ENOX1: variants seen among roughly 807,000 people sequenced by gnomAD.
ENOX1 encodes ecto-NOX disulfide-thiol exchanger 1, also known as candidate growth-related and time keeping constitutive hydroquinone (NADH) oxidase.
Under a neutral mutation model 82.5 loss-of-function variants are expected in ENOX1, and 42 were observed. That is an observed-to-expected ratio of 0.51 (90% confidence interval 0.40 to 0.66). The LOEUF is 0.66. Among genes scored for constraint, ENOX1 ranks in the 30% least tolerant of loss-of-function variants. ENOX1 has a pLI of 0.00. For missense variants in ENOX1, 608 were observed against 811.6 expected (o/e 0.75, Z 3.05); for synonymous variants, 271 against 282.2 (o/e 0.96, Z 0.40).
Position 43,459,024 on chromosome 13 carries a change from C to A in ENOX1, c.-75+24985G>T, listed in dbSNP as rs1424831345. ...TTTCTCTGAGTTTCTACAACTTCAG[C>A]TAAATGTTTTAAGGAAGAAAAGAAC... On this transcript the variant is annotated intron_variant, in intron 3 of 16. Transcript: ENST00000690772. 2.0e-5 allele frequency: 3 copies of A among 152,136 alleles called. No individual in the cohort carries two copies. In the East Asian group the frequency reaches 5.8e-4, roughly 29 times the overall value. 9.4% of individuals were successfully genotyped at this position (152,136 alleles called of 1,614,324 possible). A position where few individuals can be genotyped will look rare whatever the true frequency, so the allele number is the denominator to read the frequency against.
intron 2 of ENOX1, among the ~76,000 whole-genome samples, chr13:43,616,200 ATATATTTT>A (rs1390904523): frequency 3.1e-4 from 6 of 19,054 alleles, no homozygotes; most frequent in Non-Finnish European, 6.8e-4. Context: ...ATATATATAT[ATATATTTT>A]TTTTTTTTTT....
chr13:43,232,437 CTTTTCTCA>C (rs1327248323), intron 15 of ENOX1, among the ~76,000 whole-genome samples: 1 of 152,190 alleles, frequency 6.6e-6, no homozygotes, highest in African/African-American at 2.4e-5. Flanking sequence ...CCCAAGATTA[CTTTTCTCA>C]GGTACAGCCT....
At chr13:43,399,796 A>C (rs1049470134) in intron 5 of ENOX1, among the ~76,000 whole-genome samples, 2 of 151,944 alleles carry the variant, frequency 1.3e-5, no homozygotes, top group African/African-American at 2.4e-5. Context: ...TGAAGGAAAA[A>C]TTTTTTCTCC....
At chr13:43,554,124 G>C (rs1318521816) in intron 2 of ENOX1, among the ~76,000 whole-genome samples, 1 of 152,152 alleles carries the variant, frequency 6.6e-6, no homozygotes, top group Non-Finnish European at 1.5e-5. Context: ...GTGGATCCTA[G>C]ATAAGGAGAC....
intron 16 of ENOX1, among the ~76,000 whole-genome samples, chr13:43,216,940 CT>C (rs2041519994): frequency 6.6e-6 from 1 of 152,182 alleles, no homozygotes; most frequent in Non-Finnish European, 1.5e-5. Context: ...GAAACTTTTC[CT>C]TGCCAAACTC....
chr13:43,704,900 C>G (rs2087153194), intron 1 of ENOX1, among the ~76,000 whole-genome samples: 1 of 152,140 alleles, frequency 6.6e-6, no homozygotes, highest in Admixed American at 6.5e-5. Flanking sequence ...AGTGACATCA[C>G]AGAAGGGCCA....
chr13:43,593,308 A>C (rs997957848), intron 2 of ENOX1, among the ~76,000 whole-genome samples: 32 of 152,262 alleles, frequency 2.1e-4, no homozygotes, highest in Admixed American at 1.4e-3. Flanking sequence ...ATGATCCCAT[A>C]GCCTACATCA....
At chr13:43,567,898 T>G (rs1281558856) in intron 2 of ENOX1, among the ~76,000 whole-genome samples, 2 of 152,212 alleles carry the variant, frequency 1.3e-5, no homozygotes, top group Non-Finnish European at 2.9e-5. Flanking sequence ...ACAATAAATT[T>G]TGTGGCAGGA....
chr13:43,778,799 C>T (rs892384014), intron 1 of ENOX1, among the ~76,000 whole-genome samples: 1 of 152,156 alleles, frequency 6.6e-6, no homozygotes, highest in Non-Finnish European at 1.5e-5. Context: ...ACAGAGGATT[C>T]CCAGCCCTTT....
intron 2 of ENOX1, among the ~76,000 whole-genome samples, chr13:43,590,168 T>A (rs1425089180): frequency 1.3e-5 from 2 of 151,844 alleles, no homozygotes; most frequent in African/African-American, 2.4e-5. Flanking sequence ...ACAAAACAGA[T>A]GATTTTATAA....
chr13:43,463,386 C>T (rs1010272323), intron 3 of ENOX1, among the ~76,000 whole-genome samples: 1 of 152,136 alleles, frequency 6.6e-6, no homozygotes, highest in African/African-American at 2.4e-5. Context: ...TGTAAGGTGA[C>T]AAGAACATTA....
At chr13:43,692,035 C>T (rs2086394005) in intron 1 of ENOX1, among the ~76,000 whole-genome samples, 1 of 152,134 alleles carries the variant, frequency 6.6e-6, no homozygotes, top group Admixed American at 6.5e-5. Flanking sequence ...CAAACACTCT[C>T]TACCTAACTC....
chr13:43,463,669 C>G (rs2057588556), intron 3 of ENOX1, among the ~76,000 whole-genome samples: 1 of 152,108 alleles, frequency 6.6e-6, no homozygotes, highest in African/African-American at 2.4e-5. Flanking sequence ...GGAAAAAATA[C>G]CCAACCCCTC....
chr13:43,761,029 A>C (rs1390887859), intron 1 of ENOX1, among the ~76,000 whole-genome samples: 1 of 152,038 alleles, frequency 6.6e-6, no homozygotes, highest in Non-Finnish European at 1.5e-5. Flanking sequence ...GAAAAAGGCA[A>C]GTACAATTAT....
At chr13:43,582,652 C>T (rs1013242642) in intron 2 of ENOX1, among the ~76,000 whole-genome samples, 29 of 152,086 alleles carry the variant, frequency 1.9e-4, no homozygotes, top group African/African-American at 6.8e-4. Context: ...TGGCTCACTG[C>T]ACACTCAACC....
intron 2 of ENOX1, among the ~76,000 whole-genome samples, chr13:43,550,114 C>T (rs542681299): frequency 2.6e-5 from 4 of 152,116 alleles, no homozygotes; most frequent in Non-Finnish European, 4.4e-5. Context: ...CTAATGCCTT[C>T]GGTGATCTGA....
chr13:43,528,638 T>G (rs1436755495), intron 2 of ENOX1, among the ~76,000 whole-genome samples: 1 of 152,118 alleles, frequency 6.6e-6, no homozygotes, highest in Non-Finnish European at 1.5e-5. Context: ...TTTGCTGCAG[T>G]AGAGCTGTAA....
chr13:43,736,647 G>C (rs2089648944), intron 1 of ENOX1, among the ~76,000 whole-genome samples: 1 of 152,092 alleles, frequency 6.6e-6, no homozygotes, highest in African/African-American at 2.4e-5. Context: ...TCTAGACCTA[G>C]AGTAAGATAC....
intron 2 of ENOX1, among the ~76,000 whole-genome samples, chr13:43,525,570 A>G (rs2153685172): frequency 6.6e-6 from 1 of 152,242 alleles, no homozygotes; most frequent in South Asian, 2.1e-4. Flanking sequence ...CGTTTCCCAC[A>G]GCAGCTGCAT....
Sources: allele counts gnomAD v4.1 joint callset (sites outside exome capture counted in the v4.1 genomes callset), GRCh38; gene constraint gnomAD v4.1.1; transcripts MANE v1.5; gene names NCBI Gene and HGNC (gene_info 2026-07-23, HGNC 2026-07-21).